TEK: variants seen among roughly 807,000 people sequenced by gnomAD.
TEK encodes angiopoietin-1 receptor.
A neutral mutation model predicts 131.8 loss-of-function variants in TEK; 43 were observed. The ratio of observed to expected loss-of-function variants is 0.33; its 90% confidence interval spans 0.26 to 0.42. TEK has a LOEUF of 0.42. Among genes scored for constraint, TEK ranks in the 10% least tolerant of loss-of-function variants. TEK has a pLI of 1.00. For synonymous variants in TEK, 580 were observed against 491.6 expected (o/e 1.18, Z -2.38); for missense variants, 1,162 against 1,384.4 (o/e 0.84, Z 2.55).
In TEK at chr9:27,229,958, C is replaced by A. The variant is rs547853960; in HGVS notation, c.*726C>A. 1 of 152,330 alleles carries A rather than the reference C, an allele frequency of 6.6e-6. No individual in the cohort carries two copies. Among genetic ancestry groups the A allele is most frequent in the East Asian group, 1.9e-4 (1 of 5,190 alleles). The allele number at this position is 152,330 out of a possible 1,614,324, so 9.4% of individuals were successfully genotyped here. On this transcript the variant is annotated 3_prime_UTR_variant, in exon 23 of 23. Transcript: ENST00000380036. ...ATAATGGGATTTTCTTTTCTTTTCTCTGGTAATATTGACTTGTATATTTTA... is the reference window on the plus strand; with the variant it reads ...ATAATGGGATTTTCTTTTCTTTTCTATGGTAATATTGACTTGTATATTTTA...
intron 6 of TEK, among the ~76,000 whole-genome samples, chr9:27,177,159 A>T (rs1268351735): frequency 1.3e-5 from 2 of 152,190 alleles, no homozygotes. Flanking sequence ...ACATGAGAAA[A>T]CAGATGTCTC....
intron 1 of TEK, among the ~76,000 whole-genome samples, chr9:27,154,135 TTCTC>T (rs1036906777): frequency 1.3e-5 from 2 of 152,190 alleles, no homozygotes; most frequent in Admixed American, 1.3e-4. Flanking sequence ...TGCCATTTTT[TTCTC>T]TCTCTCTTTC....
chr9:27,119,316 C>A (rs1395177357), intron 1 of TEK, among the ~76,000 whole-genome samples: 2 of 152,080 alleles, frequency 1.3e-5, no homozygotes, highest in Non-Finnish European at 2.9e-5. Context: ...TGGGGAAGAC[C>A]TTTTAAAAAA....
At chr9:27,159,517 A>C (rs1489812699) in intron 2 of TEK, among the ~76,000 whole-genome samples, 2 of 152,168 alleles carry the variant, frequency 1.3e-5, no homozygotes, top group Admixed American at 1.3e-4. Flanking sequence ...TAATTTTAGC[A>C]GTCGAGTACC....
At chr9:27,211,032 G>T (rs928701007) in intron 16 of TEK, among the ~76,000 whole-genome samples, 1 of 151,922 alleles carries the variant, frequency 6.6e-6, no homozygotes, top group African/African-American at 2.4e-5. Context: ...TGAGGCAGGA[G>T]AATCGCTTGA....
intron 12 of TEK, among the ~76,000 whole-genome samples, chr9:27,201,035 A>G (rs1478880562): frequency 1.3e-5 from 2 of 152,204 alleles, no homozygotes; most frequent in Non-Finnish European, 2.9e-5. Flanking sequence ...CTTCAAAGCA[A>G]CTATGCTTCT....
At chr9:27,144,482 C>T (rs961605829) in intron 1 of TEK, among the ~76,000 whole-genome samples, 5 of 152,148 alleles carry the variant, frequency 3.3e-5, no homozygotes, top group African/African-American at 7.2e-5. Context: ...TTAACGAATG[C>T]GCATAGGCCT....
At chr9:27,164,731 TC>T (rs1823666546) in intron 2 of TEK, among the ~76,000 whole-genome samples, 1 of 152,164 alleles carries the variant, frequency 6.6e-6, no homozygotes, top group South Asian at 2.1e-4. Flanking sequence ...AGCGGGGGTC[TC>T]ACTGTGTTGC....
At chr9:27,201,079 A>G (rs1825197336) in intron 12 of TEK, among the ~76,000 whole-genome samples, 1 of 152,154 alleles carries the variant, frequency 6.6e-6, no homozygotes, top group Non-Finnish European at 1.5e-5. Context: ...CCCGTTTCTA[A>G]ATTGTTTAAG....
At chr9:27,214,563 T>C (rs1215724353) in intron 18 of TEK, among the ~76,000 whole-genome samples, 1 of 152,186 alleles carries the variant, frequency 6.6e-6, no homozygotes, top group Non-Finnish European at 1.5e-5. Flanking sequence ...ATCATACTTA[T>C]TTTAGTTACT....
intron 1 of TEK, among the ~76,000 whole-genome samples, chr9:27,135,900 G>A (rs2131071518): frequency 6.6e-6 from 1 of 152,262 alleles, no homozygotes; most frequent in East Asian, 1.9e-4. Flanking sequence ...CAGAGCCCAA[G>A]TCACTTGCAT....
intron 1 of TEK, among the ~76,000 whole-genome samples, chr9:27,123,532 C>A (rs1587482470): frequency 6.6e-6 from 1 of 152,196 alleles, no homozygotes; most frequent in Non-Finnish European, 1.5e-5. Flanking sequence ...TAACAGAATA[C>A]TGGAACTGTC....
chr9:27,182,829 A>G (rs1824439259), intron 7 of TEK, among the ~76,000 whole-genome samples: 1 of 152,176 alleles, frequency 6.6e-6, no homozygotes. Context: ...TTCTTTCAAT[A>G]TTGGCAGCAA....
chr9:27,169,747 A>T lies in TEK; in HGVS notation c.628+118A>T, dbSNP rs908720929. The T allele has an allele frequency of 8.0e-5, 108 of 1,355,800 alleles. 1 individual carries two copies. The South Asian group carries it at 1.2e-3, about 15-fold the overall frequency. 84.0% of individuals were successfully genotyped at this position (1,355,800 alleles called of 1,614,324 possible). A position where few individuals can be genotyped will look rare whatever the true frequency, so the allele number is the denominator to read the frequency against. ...TAAGCAAAAACCAGGCATTGGTTGG[A>T]GGTTGTATTAGTCTGTTCTTATGCT... On this transcript the variant is annotated intron_variant, in intron 4 of 22. Coordinates refer to ENST00000380036, the MANE Select transcript of TEK (RefSeq NM_000459.5).
intron 7 of TEK, among the ~76,000 whole-genome samples, chr9:27,180,741 A>G (rs1343241644): frequency 6.6e-6 from 1 of 152,208 alleles, no homozygotes; most frequent in Non-Finnish European, 1.5e-5. Context: ...TTTTTAAAGC[A>G]ATAGAAAGAA....
intron 12 of TEK, among the ~76,000 whole-genome samples, chr9:27,199,039 A>G (rs1363776583): frequency 6.6e-6 from 1 of 152,122 alleles, no homozygotes; most frequent in African/African-American, 2.4e-5. Flanking sequence ...GGCTCAAGCA[A>G]TCCTCCCGCC....
chr9:27,203,192 C>A, intron 13 of TEK, 73 bp downstream of exon 13: 3 of 1,534,340 alleles, frequency 2.0e-6, no homozygotes, highest in Non-Finnish European at 2.7e-6. Context: ...TCAGGACAGG[C>A]CTGTGAGATG....
At chr9:27,175,033 A>T (rs1587552290) in intron 6 of TEK, among the ~76,000 whole-genome samples, 1 of 150,482 alleles carries the variant, frequency 6.6e-6, no homozygotes, top group East Asian at 2.0e-4. Context: ...CATGTGCACA[A>T]TGTGCAGGTT....
At position 27,229,328 on chromosome 9, in the gene TEK, T is replaced by C; in HGVS notation, c.*96T>C. The stretch of plus-strand genomic sequence containing the variant: ...CATGCCTCTGCCAAAGGATGTGATA[T>C]ATAAGTGTACATATGTGCTGTACAC... On this transcript the variant is annotated 3_prime_UTR_variant, in exon 23 of 23. Transcript: ENST00000380036. 8.3e-7 allele frequency: 1 copy of C among 1,208,516 alleles called. No individual in the cohort carries two copies. Among genetic ancestry groups the C allele is most frequent in the Admixed American group, 1.7e-5 (1 of 59,260 alleles). The allele number at this position is 1,208,516 out of a possible 1,614,324, so 74.9% of individuals were successfully genotyped here.
Sources: gnomAD v4.1 joint callset for allele counts (sites outside exome capture counted in the v4.1 genomes callset) on GRCh38, gnomAD v4.1.1 for gene constraint, MANE v1.5 for transcripts, NCBI Gene and HGNC (gene_info 2026-07-23, HGNC 2026-07-21) for gene names.